SMC4: variants seen among roughly 807,000 people sequenced by gnomAD.
SMC4 encodes structural maintenance of chromosomes protein 4.
In SMC4, 87 loss-of-function variants were observed where a neutral mutation model predicts 145.6. The ratio of observed to expected loss-of-function variants is 0.60; its 90% CI spans 0.50 to 0.71. The LOEUF (loss-of-function observed/expected upper bound fraction) is 0.71, where lower values mean the gene tolerates loss of function less well. Ranked by LOEUF, SMC4 falls within the 30% of genes least tolerant of loss-of-function variation. SMC4 has a pLI of 0.00. For synonymous variants in SMC4, 558 were observed against 500.7 expected (o/e 1.11, Z -1.53); for missense variants, 1,447 against 1,537.1 (o/e 0.94, Z 0.98).
At chr3:160,403,040 C>T (rs1439602385) in intron 4 of SMC4, among the ~76,000 whole-genome samples, 173 bp downstream of exon 4, 1 of 152,028 alleles carries the variant, frequency 6.6e-6, no homozygotes, top group Non-Finnish European at 1.5e-5. Context: ...TGTTAAAATA[C>T]TTATTTTTTA....
rs894647464 is a variant in SMC4, at chr3:160,408,150, T to A, written c.687+3646T>A. Among the ~76,000 whole-genome samples the A allele has an allele frequency of 3.3e-5, 5 of 152,204 alleles. 1 individual carries two copies. The highest frequency in any genetic ancestry group is 1.3e-4 in the Admixed American group (2 of 15,280). On this transcript the variant is annotated intron_variant, in intron 5 of 23. Coordinates refer to ENST00000357388, the MANE Select transcript of SMC4 (RefSeq NM_001002800.3). ...TAAGAATCACTGAAACCCTCCTTCATAGTAATTACAAGTAAAAATAAAGAG... is the reference window on the plus strand; with the variant it reads ...TAAGAATCACTGAAACCCTCCTTCAAAGTAATTACAAGTAAAAATAAAGAG...
intron 17 of SMC4, among the ~76,000 whole-genome samples, chr3:160,427,777 G>A (rs1717952642): frequency 6.6e-6 from 1 of 152,080 alleles, no homozygotes; most frequent in Non-Finnish European, 1.5e-5. Context: ...CGAAATCTGT[G>A]CAAACATTTT....
chr3:160,423,352 TTTTTTTG>T (rs911352361), intron 13 of SMC4, 66 bp from the exon 14 acceptor site: 39 of 959,740 alleles, frequency 4.1e-5, no homozygotes, highest in Middle Eastern at 3.4e-4. Context: ...CCTATGGGTT[TTTTTTTG>T]TTTTTTTTTT....
At chr3:160,433,368 A>T (rs566850043) in intron 23 of SMC4, 159 bp downstream of exon 23, 2 of 563,482 alleles carry the variant, frequency 3.5e-6, no homozygotes, top group African/African-American at 1.9e-5. Context: ...ATTATTTTTT[A>T]TTTGAACCAA....
At chr3:160,428,487 G>C (rs1718033364) in intron 17 of SMC4, among the ~76,000 whole-genome samples, 1 of 152,166 alleles carries the variant, frequency 6.6e-6, no homozygotes, top group South Asian at 2.1e-4. Context: ...AAGTTGTAAA[G>C]ATATTTTAAA....
Position 160,404,476 on chromosome 3 carries a change from T to C in SMC4, c.659T>C (p.Leu220Ser). 1 of 1,604,814 alleles carries C rather than the reference T, an allele frequency of 6.2e-7. No homozygotes were observed. Among genetic ancestry groups the C allele is most frequent in the South Asian group, 1.1e-5 (1 of 88,774 alleles). The change falls in exon 5 of 24, where the codon TTG becomes TCG. Residue 220 changes from leucine to serine, a missense_variant. Coordinates refer to ENST00000357388, the MANE Select transcript of SMC4 (RefSeq NM_001002800.3). ...CTTCTTCGAAGCCATGGAATTGACT[T>C]GGACCATAATAGATTTTTAATTTTA... Reference protein sequence around the residue: ...GNLLRSHGIDLDHNRFLILQG... With the variant: ...GNLLRSHGIDSDHNRFLILQG...
At chr3:160,429,475 C>G (rs1718138659) in intron 18 of SMC4, among the ~76,000 whole-genome samples, 1 of 152,040 alleles carries the variant, frequency 6.6e-6, no homozygotes, top group African/African-American at 2.4e-5. Context: ...TCCCAAGTAG[C>G]TGGGACTACA....
At chr3:160,405,616 G>A (rs753376198) in intron 5 of SMC4, among the ~76,000 whole-genome samples, 2 of 151,760 alleles carry the variant, frequency 1.3e-5, no homozygotes, top group Non-Finnish European at 2.9e-5. Flanking sequence ...TATCATTCTA[G>A]GATAACCTTT....
rs188172842 is a variant in SMC4, at chr3:160,422,744, G to A, written c.2020-681G>A. Among the ~76,000 whole-genome samples the A allele has an allele frequency of 3.3e-5, 5 of 152,212 alleles. No homozygotes were observed. The East Asian group carries it at 7.7e-4, about 24-fold the overall frequency. On this transcript the variant is annotated intron_variant, in intron 13 of 23. Transcript: ENST00000357388. ...CCACTGCCTAATCCAAGGTCACAGT[G>A]ATTTGCCTCCTTTGTTTTCTTCTAA...
Position 160,425,734 on chromosome 3 carries a change from A to ATT in SMC4, c.2479-338_2479-337dup, listed in dbSNP as rs549619718. Among the ~76,000 whole-genome samples the ATT allele has an allele frequency of 1.2e-4, 18 of 152,332 alleles. No individual in the cohort carries two copies. In the South Asian group the frequency reaches 3.5e-3, roughly 30 times the overall value. On this transcript the variant is annotated intron_variant, in intron 16 of 23. Coordinates refer to ENST00000357388, the MANE Select transcript of SMC4 (RefSeq NM_001002800.3). ...ACCATATGTGTACAATGTTTAAGGC[A>ATT]TTTGTTGCATAATGCCAGATTGTTT...
chr3:160,400,936 G>A lies in SMC4; in HGVS notation c.110G>A (p.Gly37Asp), dbSNP rs1404430692. The part of the protein sequence containing the change: ...SSDAEPEPPS[G>D]RTESPATAAE... ...GACGCGGAGCCTGAGCCGCCGTCCG[G>A]CCGCACGGAGAGCCCAGCCACCGCC... is the stretch of plus-strand genomic sequence containing the variant. Residue 37 changes from glycine (G) to aspartate (D), a missense_variant, in exon 2 of 24, where the codon GGC becomes GAC. Physicochemically the swap from Gly to Asp is moderately conservative, Grantham distance 94. Transcript: ENST00000357388. 1 of 1,463,300 alleles carries A rather than the reference G, an allele frequency of 6.8e-7. No individual in the cohort carries two copies. The highest frequency in any genetic ancestry group is 8.9e-7 in the Non-Finnish European group (1 of 1,117,864). 90.6% of individuals were successfully genotyped at this position (1,463,300 alleles called of 1,614,324 possible).
At position 160,412,386 on chromosome 3, in the gene SMC4, G is replaced by T. The variant is rs771826232; in HGVS notation, c.913G>T (p.Ala305Ser). The part of the protein sequence containing the change: ...KDALEGEKNI[A>S]IEFLTLENEI... ...TGCCTTAGAAGGAGAGAAAAACATAGCTATCGAATTTCTTACCTTGGAAAA... is the reference window on the plus strand; with the variant it reads ...TGCCTTAGAAGGAGAGAAAAACATATCTATCGAATTTCTTACCTTGGAAAA... Residue 305 changes from alanine (A) to serine (S), a missense_variant, in exon 7 of 24, where the codon GCT (alanine) becomes TCT (serine). Transcript: ENST00000357388. 3 of 1,604,490 alleles carry T rather than the reference G, an allele frequency of 1.9e-6. No homozygotes were observed. In the African/African-American group the frequency reaches 4.0e-5, roughly 21 times the overall value.
rs1717441714 is a variant in SMC4, at chr3:160,423,656, A to G, written c.2245+6A>G. ...ACAAATCATAGAACAGTCAGGTAATAGTGTTTTTGTTTCTTGGTTTGTTTT... is the reference window on the plus strand; with the variant it reads ...ACAAATCATAGAACAGTCAGGTAATGGTGTTTTTGTTTCTTGGTTTGTTTT... On this transcript the variant is annotated splice_donor_region_variant and intron_variant, in intron 14 of 23. Coordinates refer to ENST00000357388, the MANE Select transcript of SMC4 (RefSeq NM_001002800.3). 1.2e-6 allele frequency: 2 copies of G among 1,603,216 alleles called. No individual in the cohort carries two copies. The highest frequency in any genetic ancestry group is 1.3e-5 in the African/African-American group (1 of 74,318).
At position 160,423,479 on chromosome 3, in the gene SMC4, C is replaced by T. The variant is rs1188600327; in HGVS notation, c.2074C>T (p.Arg692Cys). 6.8e-6 allele frequency: 11 copies of T among 1,611,512 alleles called. No individual in the cohort carries two copies. The South Asian group carries it at 8.8e-5, about 13-fold the overall frequency. The change falls in exon 14 of 24, where the codon CGT (arginine) becomes TGT (cysteine). Residue 692 changes from arginine to cysteine, a missense_variant. Transcript: ENST00000357388. ...TEIQTPENTPRLFDLVKVKDE... is the reference protein window; with the variant it reads ...TEIQTPENTPCLFDLVKVKDE... ...AATTCAAACTCCTGAAAATACTCCT[C>T]GTTTATTTGATTTAGTAAAAGTAAA...
At position 160,400,974 on chromosome 3, in the gene SMC4, C is replaced by T; in HGVS notation, c.139+9C>T. 2 of 1,388,812 alleles carry T rather than the reference C, an allele frequency of 1.4e-6. No homozygotes were observed. Among genetic ancestry groups the T allele is most frequent in the Non-Finnish European group, 1.8e-6 (2 of 1,083,462 alleles). The allele number at this position is 1,388,812 out of a possible 1,614,324, so 86.0% of individuals were successfully genotyped here. A position where few individuals can be genotyped will look rare whatever the true frequency, so the allele number is the denominator to read the frequency against. ...CCCAGCCACCGCCGCAGGTGAGTGACCCGCCGCGACTCGGCGGGAACGCGC... is the reference window on the plus strand; with the variant it reads ...CCCAGCCACCGCCGCAGGTGAGTGATCCGCCGCGACTCGGCGGGAACGCGC... On this transcript the variant is annotated intron_variant, in intron 2 of 23. Coordinates refer to ENST00000357388, the MANE Select transcript of SMC4 (RefSeq NM_001002800.3).
In SMC4 at chr3:160,414,433, A is replaced by G. The variant is rs770930802; in HGVS notation, c.1188A>G (p.Glu396=). The change falls in exon 9 of 24, where the codon GAA becomes GAG. Residue 396 remains glutamate (E), a synonymous_variant. Transcript: ENST00000357388. ...AAAAATTTACACAGCTAGATTTGGA[A>G]GATGTTCAAGTTAGAGAAAAGTTAA... ...NKEKFTQLDL[E]DVQVREKLKH... is the part of the protein sequence containing the mutation. 11 of 1,610,464 alleles carry G rather than the reference A, an allele frequency of 6.8e-6. No homozygotes were observed. Among genetic ancestry groups the G allele is most frequent in the Non-Finnish European group, 9.3e-6 (11 of 1,178,600 alleles).
Position 160,412,436 on chromosome 3 carries a change from T to C in SMC4, c.963T>C (p.His321=), listed in dbSNP as rs1422416563. ...LENEIFRKKN[H]VCQYYIYELQ... ...ATGAAATATTTAGAAAAAAGAATCATGTTTGTCAATATTATATGTAAGTGC... is the reference window on the plus strand; with the variant it reads ...ATGAAATATTTAGAAAAAAGAATCACGTTTGTCAATATTATATGTAAGTGC... The change falls in exon 7 of 24, where the codon CAT becomes CAC. Residue 321 remains histidine (H), a synonymous_variant. Coordinates refer to ENST00000357388, the MANE Select transcript of SMC4 (RefSeq NM_001002800.3). 12 of 1,603,464 alleles carry C rather than the reference T, an allele frequency of 7.5e-6. No individual in the cohort carries two copies. Among genetic ancestry groups the C allele is most frequent in the South Asian group, 1.1e-5 (1 of 90,034 alleles).
Position 160,413,475 on chromosome 3 carries a change from A to G in SMC4, c.983A>G (p.Tyr328Cys). 3 of 1,570,022 alleles carry G rather than the reference A, an allele frequency of 1.9e-6. No individual in the cohort carries two copies. Among genetic ancestry groups the G allele is most frequent in the African/African-American group, 2.8e-5 (2 of 70,420 alleles). Residue 328 changes from tyrosine (Y) to cysteine (C), a missense_variant and splice_region_variant, in exon 8 of 24, where the codon TAT becomes TGT. Physicochemically the swap from Tyr to Cys is radical, Grantham distance 194. Transcript: ENST00000357388. Reference protein sequence around the residue: ...KKNHVCQYYIYELQKRIAEME... With the variant: ...KKNHVCQYYICELQKRIAEME... ...TTTTTTTTTTTTCCTCCCTATAGTT[A>G]TGAGTTGCAGAAACGAATTGCTGAA...
At chr3:160,411,128 T>C (rs551485104) in intron 5 of SMC4, among the ~76,000 whole-genome samples, 43 of 152,322 alleles carry the variant, frequency 2.8e-4, no homozygotes, top group Non-Finnish European at 5.3e-4. Flanking sequence ...TCTTTACTCT[T>C]CATAATTAAA....
Sources: allele counts gnomAD v4.1 joint callset (sites outside exome capture counted in the v4.1 genomes callset), GRCh38; gene constraint gnomAD v4.1.1; transcripts MANE v1.5; gene names NCBI Gene and HGNC (gene_info 2026-07-23, HGNC 2026-07-21).